Variants in ITGA3 observed in about 807,000 individuals in gnomAD.
The protein encoded by ITGA3 is integrin alpha-3.
In ITGA3, 70 loss-of-function variants were observed where a neutral mutation model predicts 131.1. The ratio of observed to expected loss-of-function variants is 0.53; its 90% CI spans 0.44 to 0.65. The LOEUF is 0.65. Ranked by LOEUF, ITGA3 falls within the 30% of genes least tolerant of loss-of-function variation. The probability of loss-of-function intolerance (pLI) is 0.00; values close to 1 mark genes in which losing one functional copy is unlikely to be tolerated. For missense variants in ITGA3, 1,098 were observed against 1,388.6 expected, an observed-to-expected ratio of 0.79 and a Z score of 3.33; for synonymous variants, 537 against 571.6, an observed-to-expected ratio of 0.94 and a Z score of 0.86.
intron 21 of ITGA3, among the ~76,000 whole-genome samples, chr17:50,079,988 A>G (rs1317472367): frequency 3.3e-5 from 5 of 152,136 alleles, no homozygotes; most frequent in African/African-American, 1.2e-4. Context: ...GCTGGCTGGG[A>G]AGCAGGTGTA....
chr17:50,079,152 A>G lies in ITGA3; in HGVS notation c.2477A>G (p.Asn826Ser), dbSNP rs1287551275. The G allele has an allele frequency of 2.5e-6, 4 of 1,613,836 alleles. No individual in the cohort carries two copies. Among genetic ancestry groups the G allele is most frequent in the South Asian group, 2.2e-5 (2 of 91,080 alleles). ...LGLEWPYEVSNGKWLLYPTEI... is the reference protein window; with the variant it reads ...LGLEWPYEVSSGKWLLYPTEI... ...CTGGAGTGGCCCTACGAAGTCAGCA[A>G]TGGCAAGTGGCTGCTGTATCCCACG... Residue 826 changes from asparagine to serine, a missense_variant, in exon 20 of 26, where the codon AAT (asparagine) becomes AGT (serine). Transcript: ENST00000320031.
chr17:50,072,548 G>A (rs1390449673), intron 7 of ITGA3, among the ~76,000 whole-genome samples: 8 of 151,322 alleles, frequency 5.3e-5, no homozygotes, highest in Admixed American at 3.9e-4. Flanking sequence ...GGGGAGTGGG[G>A]TGGGGTGGGG....
rs557710334 is a variant in ITGA3, at chr17:50,075,657, C to T, written c.1596C>T (p.Ala532=). Residue 532 remains alanine (A), a synonymous_variant, in exon 12 of 26, where the codon GCC becomes GCT. Coordinates refer to ENST00000320031, the MANE Select transcript of ITGA3 (RefSeq NM_002204.4). ...RDRRPPRLRF[A]GSESAVFHGF... is the part of the protein sequence containing the mutation. ...GCCGGCCGCCCCGGCTCCGCTTTGC[C>T]GGCAGTGAGTCCGCTGTCTTCCACG... 1.5e-5 allele frequency: 24 copies of T among 1,614,188 alleles called. No individual in the cohort carries two copies. The South Asian group carries it at 1.5e-4, about 10-fold the overall frequency.
intron 18 of ITGA3, 42 bp from the exon 19 acceptor site, chr17:50,078,782 G>A: frequency 1.6e-6 from 2 of 1,239,570 alleles, no homozygotes; most frequent in South Asian, 1.2e-5. Context: ...CAGGGCCCTG[G>A]TCTCTTGTCC....
At chr17:50,074,906 G>A (rs1285602803) in intron 10 of ITGA3, among the ~76,000 whole-genome samples, 7 of 152,132 alleles carry the variant, frequency 4.6e-5, no homozygotes, top group Non-Finnish European at 7.4e-5. Flanking sequence ...TTTCTTGCTT[G>A]TAGAACAGAA....
intron 12 of ITGA3, among the ~76,000 whole-genome samples, chr17:50,076,045 C>T (rs1908875116): frequency 6.6e-6 from 1 of 152,100 alleles, no homozygotes; most frequent in Non-Finnish European, 1.5e-5. Flanking sequence ...GTCAGTCCCT[C>T]TCTGGGACAT....
Position 50,079,493 on chromosome 17 carries a change from G to A in ITGA3, c.2642G>A (p.Gly881Glu), listed in dbSNP as rs1909084338. The A allele has an allele frequency of 6.3e-7, 1 of 1,581,504 alleles. No homozygotes were observed. Among genetic ancestry groups the A allele is most frequent in the East Asian group, 2.3e-5 (1 of 44,438 alleles). Reference protein sequence around the residue: ...QRRRRQLDPGGGQGPPPVTLA... With the variant: ...QRRRRQLDPGEGQGPPPVTLA... ...AGGCGGCGACAGCTGGATCCAGGGG[G>A]AGGCCAGGGCCCCCCACCTGTCACT... The change falls in exon 21 of 26, where the codon GGA becomes GAA. Residue 881 changes from glycine to glutamate, a missense_variant. Around this residue, in one of 3 missense-constraint regions of ITGA3, gnomAD observed 699 missense variants for 829.2 expected, o/e 0.84. Transcript: ENST00000320031.
chr17:50,071,354 CAT>C lies in ITGA3; in HGVS notation c.796_797del (p.Ile266HisfsTer53). On this transcript the variant is annotated frameshift_variant, in exon 6 of 26. Coordinates refer to ENST00000320031, the MANE Select transcript of ITGA3 (RefSeq NM_002204.4). LOFTEE classifies it high-confidence loss of function. Reference protein sequence around the residue: ...VGSFILHPKNITIVTGAPRHR... With the variant: ...VGSFILHPKNXTIVTGAPRHR... ...GCAGCTTCATCCTGCACCCCAAAAA[CAT>C]CACCATTGTGACAGGTGCCCCACGG... The C allele has an allele frequency of 6.2e-7, 1 of 1,614,194 alleles. No individual in the cohort carries two copies. The highest frequency in any genetic ancestry group is 8.5e-7 in the Non-Finnish European group (1 of 1,180,052).
chr17:50,075,643 CG>C lies in ITGA3; in HGVS notation c.1584del (p.Leu529SerfsTer29). On this transcript the variant is annotated frameshift_variant, in exon 12 of 26. Transcript: ENST00000320031. LOFTEE classifies it high-confidence loss of function. ...LEADRDRRPP[R>X]LRFAGSESAV... ...GGCTGACAGGGACCGCCGGCCGCCC[CG>C]GCTCCGCTTTGCCGGCAGTGAGTCC... 6.2e-7 allele frequency: 1 copy of C among 1,614,194 alleles called. No homozygotes were observed. The highest frequency in any genetic ancestry group is 1.1e-5 in the South Asian group (1 of 91,074).
chr17:50,081,119 A>C, intron 22 of ITGA3, 191 bp from the exon 23 acceptor site: 1 of 566,836 alleles, frequency 1.8e-6, no homozygotes. Context: ...GACCTGACGC[A>C]GAAATGAATG....
At chr17:50,081,991 A>G (rs557162472) in intron 23 of ITGA3, among the ~76,000 whole-genome samples, 12 of 152,290 alleles carry the variant, frequency 7.9e-5, no homozygotes, top group African/African-American at 2.6e-4. Context: ...AAAGAGAAGC[A>G]ATGGAAAAGC....
intron 7 of ITGA3, 67 bp downstream of exon 7, chr17:50,072,249 CTG>C: frequency 7.1e-7 from 1 of 1,408,704 alleles, no homozygotes; most frequent in Non-Finnish European, 9.9e-7. Flanking sequence ...CCCCTACTGA[CTG>C]AGCACCAGCT....
At position 50,077,338 on chromosome 17, in the gene ITGA3, A is replaced by C. The variant is rs1908963572; in HGVS notation, c.2071-41A>C. 1.9e-6 allele frequency: 3 copies of C among 1,569,700 alleles called. No homozygotes were observed. In the South Asian group the frequency reaches 3.3e-5, roughly 17 times the overall value. On this transcript the variant is annotated intron_variant, in intron 15 of 25. Transcript: ENST00000320031. ...CCACAGAGGAGGGAGGACAAGCCCT[A>C]CTTTGACCCGACCCTGACCTTATTC...
rs1198814395 is a variant in ITGA3 at position 50,056,796 on chromosome 17, G to C, written c.206+151G>C. On this transcript the variant is annotated intron_variant, in intron 1 of 25. Coordinates refer to ENST00000320031, the MANE Select transcript of ITGA3 (RefSeq NM_002204.4). The surrounding 1 kb of genome is among the most constrained non-coding windows in gnomAD (Gnocchi z 5.6). ...GGCTGCTGGGGGTTGGCGGGAAGTG[G>C]AGGATTGGGTGTGGGGTCGGGCAGT... is the stretch of plus-strand genomic sequence containing the variant. 1 of 783,288 alleles carries C rather than the reference G, an allele frequency of 1.3e-6. No homozygotes were observed. The highest frequency in any genetic ancestry group is 2.8e-5 in the East Asian group (1 of 36,224). The allele number at this position is 783,288 out of a possible 1,614,324, so 48.5% of individuals were successfully genotyped here.
chr17:50,057,263 G>A (rs1364329665), intron 1 of ITGA3, among the ~76,000 whole-genome samples: 2 of 152,184 alleles, frequency 1.3e-5, no homozygotes, highest in Non-Finnish European at 2.9e-5. Context: ...AACTCTGGCT[G>A]GGTCTCCTCC....
chr17:50,079,437 C>A lies in ITGA3; in HGVS notation c.2586C>A (p.Asp862Glu). 6.4e-7 allele frequency: 1 copy of A among 1,562,662 alleles called. No individual in the cohort carries two copies. The highest frequency in any genetic ancestry group is 8.7e-7 in the Non-Finnish European group (1 of 1,153,550). The change falls in exon 21 of 26, where the codon GAC becomes GAA. Residue 862 changes from aspartate (D) to glutamate (E), a missense_variant and splice_region_variant. Around this residue, in one of 3 missense-constraint regions of ITGA3, gnomAD observed 699 missense variants for 829.2 expected, o/e 0.84. Coordinates refer to ENST00000320031, the MANE Select transcript of ITGA3 (RefSeq NM_002204.4). ...LINPLNLTLSDPGDRPSSPQR... is the reference protein window; with the variant it reads ...LINPLNLTLSEPGDRPSSPQR... The stretch of plus-strand genomic sequence containing the variant: ...CAAATCTCCTATTTCCTCTCCAGGA[C>A]CCTGGGGACAGGCCATCATCCCCAC...
chr17:50,089,209 C>A lies in ITGA3; in HGVS notation c.*131C>A. On this transcript the variant is annotated 3_prime_UTR_variant, in exon 26 of 26. Transcript: ENST00000320031. ...GCGCTACCCACCTCCAGGGAGCACC[C>A]TGCCCACCAAGAAGCACTGGGTGAC... 6.2e-7 allele frequency: 1 copy of A among 1,613,836 alleles called. No homozygotes were observed. Among genetic ancestry groups the A allele is most frequent in the South Asian group, 1.1e-5 (1 of 91,074 alleles).
intron 5 of ITGA3, 68 bp downstream of exon 5, chr17:50,070,998 G>A (rs1908600481): frequency 8.8e-6 from 9 of 1,023,356 alleles, no homozygotes; most frequent in Middle Eastern, 2.0e-4. Flanking sequence ...GTGGAAAGGT[G>A]AGGCCAGAGT....
rs761985021 is a variant in ITGA3 at position 50,071,298 on chromosome 17, C to T, written c.752-13C>T. 6.2e-7 allele frequency: 1 copy of T among 1,611,782 alleles called. No homozygotes were observed. Among genetic ancestry groups the T allele is most frequent in the Non-Finnish European group, 8.5e-7 (1 of 1,178,836 alleles). On this transcript the variant is annotated splice_polypyrimidine_tract_variant and intron_variant, in intron 5 of 25. Transcript: ENST00000320031. ...GACTGGGACCTTGGTTGAACATCTT[C>T]CCTCTATCCCAGGGTACACGATGCA...
Sources: gnomAD v4.1 joint callset for allele counts (sites outside exome capture counted in the v4.1 genomes callset) on GRCh38, gnomAD v4.1.1 for gene constraint, gnomAD v4.1.1 regional missense constraint, Gnocchi (gnomAD v3.1) non-coding constraint, MANE v1.5 for transcripts, NCBI Gene and HGNC (gene_info 2026-07-23, HGNC 2026-07-21) for gene names.